UGT2A3: variants seen among roughly 807,000 people sequenced by gnomAD.
The protein encoded by UGT2A3 is UDP glucuronosyltransferase family 2 member A3.
UGT2A3 carries 55 observed loss-of-function variants against 44.1 expected under a neutral mutation model. That is an observed-to-expected ratio of 1.25 (90% CI 1.00 to 1.56). The LOEUF is 1.56. UGT2A3 is among the 40% of genes most tolerant of loss of function. The pLI, the probability that UGT2A3 is intolerant of heterozygous loss-of-function variation, is 0.00. For missense variants in UGT2A3, 733 were observed against 621.6 expected (o/e 1.18, Z -1.91); for synonymous variants, 243 against 215.1 (o/e 1.13, Z -1.13).
At chr4:68,948,439 C>CTTTTTTTTTTTTTTTTTTTTTTTTTTT (rs60082800) in intron 1 of UGT2A3, among the ~76,000 whole-genome samples, 1 of 110,154 alleles carries the variant, frequency 9.1e-6, no homozygotes, top group African/African-American at 3.9e-5. Flanking sequence ...TCTTTTTTTT[C>CTTTTTTTTTTTTTTTTTTTTTTTTTTT]TTTTTTTTTT....
At position 68,949,081 on chromosome 4, in the gene UGT2A3, C is replaced by T. The variant is rs368960838; in HGVS notation, c.715+1965G>A. ...CTAATAGAGTGAGAACGAACTCACC[C>T]ATTTCCCCAGGGAGAGCATTAATGT... On this transcript the variant is annotated intron_variant, in intron 1 of 5. Coordinates refer to ENST00000251566, the MANE Select transcript of UGT2A3 (RefSeq NM_024743.4). 5.9e-5 allele frequency among the ~76,000 whole-genome samples: 9 copies of T among 151,818 alleles called. No individual in the cohort carries two copies. The East Asian group carries it at 9.8e-4, about 17-fold the overall frequency.
At chr4:68,947,031 T>C (rs1376930205) in intron 1 of UGT2A3, among the ~76,000 whole-genome samples, 1 of 151,716 alleles carries the variant, frequency 6.6e-6, no homozygotes, top group Non-Finnish European at 1.5e-5. Context: ...CTGATTACTG[T>C]TGATTGATCA....
At chr4:68,948,492 G>A (rs1186274714) in intron 1 of UGT2A3, among the ~76,000 whole-genome samples, 77 of 131,858 alleles carry the variant, frequency 5.8e-4, no homozygotes, top group African/African-American at 2.2e-3. Context: ...CTAGGTTGGA[G>A]TGCAGTGGAG....
At chr4:68,941,988 A>G (rs1329864267) in intron 2 of UGT2A3, among the ~76,000 whole-genome samples, 4 of 151,824 alleles carry the variant, frequency 2.6e-5, no homozygotes, top group Non-Finnish European at 5.9e-5. Context: ...AACAAGTGCT[A>G]GAAAGTATGC....
At chr4:68,942,553 T>TTA (rs1450105967) in intron 2 of UGT2A3, among the ~76,000 whole-genome samples, 3 of 133,770 alleles carry the variant, frequency 2.2e-5, no homozygotes, top group African/African-American at 8.8e-5. Context: ...TTTCCAATGT[T>TTA]TATATATATC....
At chr4:68,945,650 A>G (rs557207659) in intron 1 of UGT2A3, among the ~76,000 whole-genome samples, 196 bp from the exon 2 acceptor site, 1 of 150,740 alleles carries the variant, frequency 6.6e-6, no homozygotes, top group Admixed American at 6.7e-5. Context: ...AGAAGGAAGG[A>G]CAGAGAAAGA....
Position 68,945,384 on chromosome 4 carries a change from A to AAAATCCC in UGT2A3, c.779_785dup (p.Phe262LeufsTer4), listed in dbSNP as rs1435528986. On this transcript the variant is annotated frameshift_variant, in exon 2 of 6. Coordinates refer to ENST00000251566, the MANE Select transcript of UGT2A3 (RefSeq NM_024743.4). LOFTEE classifies it high-confidence loss of function. Reference sequence around the variant, plus strand: ...TAGGTTGGTATGGTTGAGGAAATTCAAAATCCCAATATGTTCGTATTAGCC... The same window carrying AAAATCCC: ...TAGGTTGGTATGGTTGAGGAAATTCAAAATCCCAAATCCCAATATGTTCGTATTAGCC... The AAAATCCC allele has an allele frequency of 6.2e-7, 1 of 1,611,544 alleles. No individual in the cohort carries two copies. The highest frequency in any genetic ancestry group is 1.7e-5 in the Admixed American group (1 of 59,712).
At chr4:68,936,076 T>C (rs1358445645) in intron 2 of UGT2A3, among the ~76,000 whole-genome samples, 2 of 152,046 alleles carry the variant, frequency 1.3e-5, no homozygotes, top group Non-Finnish European at 2.9e-5. Context: ...AAAGACCAAA[T>C]ATATGTTTGA....
At chr4:68,934,602 AG>A (rs1717865183) in intron 2 of UGT2A3, among the ~76,000 whole-genome samples, 1 of 152,046 alleles carries the variant, frequency 6.6e-6, no homozygotes, top group Non-Finnish European at 1.5e-5. Context: ...TCAGGCATAG[AG>A]GCTCATATCT....
At chr4:68,930,519 T>A (rs1717690157) in intron 5 of UGT2A3, 27 bp downstream of exon 5, 1 of 1,558,982 alleles carries the variant, frequency 6.4e-7, no homozygotes, top group African/African-American at 1.4e-5. Context: ...CAATGTTAGA[T>A]CAGTCTGTAC....
chr4:68,934,801 T>C (rs573214641), intron 2 of UGT2A3, among the ~76,000 whole-genome samples: 8 of 151,964 alleles, frequency 5.3e-5, no homozygotes, highest in Admixed American at 1.3e-4. Flanking sequence ...ACTCAGGAGT[T>C]TGGGTTTCAG....
In UGT2A3 at chr4:68,951,708, A is replaced by T; in HGVS notation, c.53T>A (p.Val18Asp). The T allele has an allele frequency of 4.3e-6, 7 of 1,609,404 alleles. No individual in the cohort carries two copies. The highest frequency in any genetic ancestry group is 5.9e-6 in the Non-Finnish European group (7 of 1,178,128). Residue 18 changes from valine (V) to aspartate (D), a missense_variant, in exon 1 of 6, where the codon GTT becomes GAT. Physicochemically the swap from Val to Asp is radical, Grantham distance 152. Coordinates refer to ENST00000251566, the MANE Select transcript of UGT2A3 (RefSeq NM_024743.4). Reference protein sequence around the residue: ...LVFLLLQLFCVGCGFCGKVLV... With the variant: ...LVFLLLQLFCDGCGFCGKVLV... Reference sequence around the variant, plus strand: ...GACTTTCCCACAGAATCCACAGCCAACACAGAAGAGCTGCAGGAGCAGAAA... The same window carrying T: ...GACTTTCCCACAGAATCCACAGCCATCACAGAAGAGCTGCAGGAGCAGAAA...
chr4:68,939,411 T>G (rs1009136100), intron 2 of UGT2A3, among the ~76,000 whole-genome samples: 2 of 152,188 alleles, frequency 1.3e-5, no homozygotes, highest in African/African-American at 4.8e-5. Context: ...TCTAACCATG[T>G]GATCTTTGAC....
intron 2 of UGT2A3, among the ~76,000 whole-genome samples, chr4:68,933,384 C>T (rs1399437621): frequency 6.6e-6 from 1 of 152,038 alleles, no homozygotes; most frequent in African/African-American, 2.4e-5. Context: ...TGCAACTGGA[C>T]ATTCAATCTC....
intron 2 of UGT2A3, among the ~76,000 whole-genome samples, chr4:68,936,587 G>A (rs1174732762): frequency 5.9e-5 from 9 of 151,954 alleles, no homozygotes; most frequent in Non-Finnish European, 1.3e-4. Flanking sequence ...AGAACAACTG[G>A]TACCAGCCAC....
intron 2 of UGT2A3, among the ~76,000 whole-genome samples, chr4:68,940,005 C>G (rs1049007419): frequency 4.6e-5 from 7 of 152,116 alleles, no homozygotes; most frequent in African/African-American, 1.7e-4. Context: ...GAGATACCAT[C>G]TCATGTGAGT....
intron 2 of UGT2A3, among the ~76,000 whole-genome samples, chr4:68,939,807 G>A (rs543634851): frequency 1.3e-5 from 2 of 152,234 alleles, no homozygotes; most frequent in Non-Finnish European, 2.9e-5. Context: ...ATCTGACAAA[G>A]GGCTAATATC....
At chr4:68,938,155 G>T (rs1718027184) in intron 2 of UGT2A3, among the ~76,000 whole-genome samples, 1 of 152,044 alleles carries the variant, frequency 6.6e-6, no homozygotes, top group Non-Finnish European at 1.5e-5. Context: ...CATTCCTTCT[G>T]AAACCATTCC....
Position 68,935,300 on chromosome 4 carries a change from A to G in UGT2A3, c.865-2541T>C, listed in dbSNP as rs183151284. On this transcript the variant is annotated intron_variant, in intron 2 of 5. Coordinates refer to ENST00000251566, the MANE Select transcript of UGT2A3 (RefSeq NM_024743.4). Reference sequence around the variant, plus strand: ...TGTATATATATATATATATATATATATATATATATATATATATGCATAATA... The same window carrying G: ...TGTATATATATATATATATATATATGTATATATATATATATATGCATAATA... Among the ~76,000 whole-genome samples, 41 of 95,594 alleles carry G rather than the reference A, an allele frequency of 4.3e-4. 1 individual carries two copies. The East Asian group carries it at 6.2e-3, about 14-fold the overall frequency. The allele number at this position is 95,594 out of a possible 152,430, so 62.7% of individuals were successfully genotyped here. A position where few individuals can be genotyped will look rare whatever the true frequency, so the allele number is the denominator to read the frequency against.
Sources: allele counts gnomAD v4.1 joint callset (sites outside exome capture counted in the v4.1 genomes callset), GRCh38; gene constraint gnomAD v4.1.1; transcripts MANE v1.5; gene names NCBI Gene and HGNC (gene_info 2026-07-23, HGNC 2026-07-21).